Variants in MBNL2 observed in about 807,000 individuals in gnomAD.
MBNL2 encodes muscleblind like splicing regulator 2.
MBNL2 carries 17 observed loss-of-function variants against 41.9 expected under a neutral mutation model. The ratio of observed to expected loss-of-function variants is 0.41; its 90% confidence interval spans 0.28 to 0.61. The LOEUF (loss-of-function observed/expected upper bound fraction) is 0.61. Among genes scored for constraint, MBNL2 ranks in the 20% least tolerant of loss-of-function variants. The probability of loss-of-function intolerance (pLI) is 0.35; values close to 1 mark genes in which losing one functional copy is unlikely to be tolerated. For missense variants in MBNL2, 336 were observed against 505.6 expected, an observed-to-expected ratio of 0.66 and a Z score of 3.22; for synonymous variants, 195 against 182.9, an observed-to-expected ratio of 1.07 and a Z score of -0.53.
intron 1 of MBNL2, among the ~76,000 whole-genome samples, chr13:97,257,840 A>C (rs922380535): frequency 6.6e-6 from 1 of 152,240 alleles, no homozygotes; most frequent in Admixed American, 6.5e-5. Flanking sequence ...AATGTGAAGA[A>C]CCACGTGTGC....
chr13:97,313,737 G>A (rs1214715259), intron 2 of MBNL2, among the ~76,000 whole-genome samples: 1 of 152,162 alleles, frequency 6.6e-6, no homozygotes, highest in Non-Finnish European at 1.5e-5. Context: ...TTCAGGGATA[G>A]CCACACACAT....
intron 2 of MBNL2, among the ~76,000 whole-genome samples, chr13:97,311,530 TA>T (rs1378519137): frequency 8.5e-5 from 13 of 152,250 alleles, no homozygotes; most frequent in Non-Finnish European, 4.4e-5. Flanking sequence ...AGCTATGCTT[TA>T]TGGGATTACA....
intron 2 of MBNL2, among the ~76,000 whole-genome samples, chr13:97,303,235 C>G (rs141071359): frequency 6.6e-6 from 1 of 152,202 alleles, no homozygotes; most frequent in Admixed American, 6.5e-5. Flanking sequence ...GTAGAAATTT[C>G]TTAAGTATCT....
At chr13:97,304,641 C>T (rs769051677) in intron 2 of MBNL2, among the ~76,000 whole-genome samples, 40 of 151,862 alleles carry the variant, frequency 2.6e-4, no homozygotes, top group African/African-American at 8.5e-4. Context: ...AAGTCATTTG[C>T]AAAGTGGCAA....
the MBNL2 span, among the ~76,000 whole-genome samples, chr13:97,200,069 A>G: frequency 6.6e-6 from 1 of 152,258 alleles, no homozygotes; most frequent in African/African-American, 2.4e-5. Flanking sequence ...TTGAAGCCCC[A>G]TAAATTCAAC....
At chr13:97,198,869 C>T in the MBNL2 span, among the ~76,000 whole-genome samples, 1 of 152,158 alleles carries the variant, frequency 6.6e-6, no homozygotes, top group East Asian at 1.9e-4. Context: ...TTGCCTACCA[C>T]CATAATCAAT....
chr13:97,384,045 G>A (rs113574588), intron 8 of MBNL2, among the ~76,000 whole-genome samples: 1,538 of 151,734 alleles, frequency 0.01, 24 homozygotes, highest in Middle Eastern at 0.017. Flanking sequence ...GATTACAGGC[G>A]TGCACCACCA....
intron 5 of MBNL2, among the ~76,000 whole-genome samples, chr13:97,354,982 C>T (rs958929233): frequency 6.6e-6 from 1 of 151,928 alleles, no homozygotes; most frequent in African/African-American, 2.4e-5. Context: ...AATTGAAGCT[C>T]AAAAAACAAA....
At chr13:97,309,712 G>A (rs1369557876) in intron 2 of MBNL2, among the ~76,000 whole-genome samples, 1 of 152,198 alleles carries the variant, frequency 6.6e-6, no homozygotes, top group African/African-American at 2.4e-5. Context: ...TCAGAGGATG[G>A]TAGCAATGGG....
chr13:97,179,141 T>C, the MBNL2 span, among the ~76,000 whole-genome samples: 2 of 152,134 alleles, frequency 1.3e-5, no homozygotes, highest in Admixed American at 1.3e-4. Flanking sequence ...AAGCAACGCC[T>C]CCCTTAACGT....
chr13:97,163,681 G>GC, the MBNL2 span, among the ~76,000 whole-genome samples: 1 of 152,110 alleles, frequency 6.6e-6, no homozygotes, highest in Non-Finnish European at 1.5e-5. Context: ...TCTTCCTCTC[G>GC]CTCACACGGC....
intron 3 of MBNL2, among the ~76,000 whole-genome samples, chr13:97,341,237 G>C (rs766590776): frequency 5.9e-5 from 9 of 152,142 alleles, no homozygotes; most frequent in Non-Finnish European, 1.2e-4. Flanking sequence ...TCTCAGCCTA[G>C]ATCTACTGGG....
intron 4 of MBNL2, among the ~76,000 whole-genome samples, chr13:97,344,090 G>A (rs1044910559): frequency 2.0e-5 from 3 of 152,236 alleles, no homozygotes; most frequent in Non-Finnish European, 4.4e-5. Context: ...ACAGGCGTGA[G>A]CCACCGCGCC....
chr13:97,387,464 T>C (rs1403206434), intron 8 of MBNL2, among the ~76,000 whole-genome samples: 1 of 152,096 alleles, frequency 6.6e-6, no homozygotes, highest in Non-Finnish European at 1.5e-5. Context: ...TCTCACTGTC[T>C]CCCCTCTAAA....
chr13:97,240,903 C>T (rs192700573), intron 1 of MBNL2, among the ~76,000 whole-genome samples: 1 of 152,278 alleles, frequency 6.6e-6, no homozygotes, highest in East Asian at 1.9e-4. Flanking sequence ...CTTCTGTCCT[C>T]ACTCGGGCTG....
chr13:97,331,858 G>A (rs2060466155), intron 2 of MBNL2, among the ~76,000 whole-genome samples: 1 of 152,174 alleles, frequency 6.6e-6, no homozygotes, highest in Non-Finnish European at 1.5e-5. Context: ...ATTCAATGTT[G>A]TAAAATACTT....
chr13:97,262,102 AG>A (rs2152881757), intron 1 of MBNL2, among the ~76,000 whole-genome samples: 1 of 152,326 alleles, frequency 6.6e-6, no homozygotes, highest in African/African-American at 2.4e-5. Flanking sequence ...TACAAACCTG[AG>A]GTTCCAAAAG....
intron 1 of MBNL2, among the ~76,000 whole-genome samples, chr13:97,246,275 TCACACA>T (rs34830044): frequency 0.044 from 6,351 of 145,872 alleles, 409 homozygotes; most frequent in African/African-American, 0.14. Context: ...TACTGTTATT[TCACACA>T]CACACACACA....
chr13:97,151,446 A>T, the MBNL2 span, among the ~76,000 whole-genome samples: 1 of 152,132 alleles, frequency 6.6e-6, no homozygotes, highest in Non-Finnish European at 1.5e-5. Flanking sequence ...TACACAGCAG[A>T]TATAGTGTGT....
Sources: allele counts gnomAD v4.1 joint callset (sites outside exome capture counted in the v4.1 genomes callset), GRCh38; gene constraint gnomAD v4.1.1; transcripts MANE v1.5; gene names NCBI Gene and HGNC (gene_info 2026-07-23, HGNC 2026-07-21).